The following LMLN variants were observed in gnomAD, a reference collection of about 807,000 sequenced individuals.
LMLN encodes leishmanolysin like peptidase.
LMLN carries 70 observed loss-of-function variants against 92.3 expected under a neutral mutation model. The observed-to-expected ratio is 0.76, with a 90% confidence interval of 0.63 to 0.92. The LOEUF (loss-of-function observed/expected upper bound fraction) is 0.92, where lower values mean the gene tolerates loss of function less well. LMLN is among the 40% of genes least tolerant of loss of function. The pLI is 0.00. For missense variants in LMLN, 691 were observed against 814.6 expected (o/e 0.85, Z 1.85); for synonymous variants, 308 against 296.2 (o/e 1.04, Z -0.41).
At chr3:198,002,900 T>A in intron 11 of LMLN, 115 bp from the exon 12 acceptor site, 1 of 614,922 alleles carries the variant, frequency 1.6e-6, no homozygotes, top group Non-Finnish European at 2.9e-6. Flanking sequence ...GCCTCTGGCC[T>A]CCAAAATCTT....
chr3:198,005,286 CATCT>C lies in LMLN; in HGVS notation c.1232+5951_1232+5954del, dbSNP rs1273990355. ...TACATATCATACGTAGTAAGTTTGA[CATCT>C]ATCTATATATCATCTATACAGATAC... On this transcript the variant is annotated intron_variant, in intron 11 of 15. Coordinates refer to ENST00000330198, the Ensembl canonical transcript of LMLN. Among the ~76,000 whole-genome samples the C allele has an allele frequency of 6.0e-5, 9 of 150,422 alleles. No homozygotes were observed. The East Asian group carries it at 7.8e-4, about 13-fold the overall frequency.
chr3:197,974,531 T>C (rs1165219805), intron 2 of LMLN, 57 bp downstream of exon 2: 5 of 924,968 alleles, frequency 5.4e-6, no homozygotes, highest in Non-Finnish European at 8.0e-6. Flanking sequence ...GTTAAAGATA[T>C]TTTTGTCTGT....
chr3:197,997,720 G>C (rs1334622123), intron 10 of LMLN, among the ~76,000 whole-genome samples: 1 of 152,178 alleles, frequency 6.6e-6, no homozygotes, highest in Non-Finnish European at 1.5e-5. Context: ...GTGATTCCTT[G>C]TTATACTGAT....
At chr3:197,965,906 A>G (rs1721044949) in intron 1 of LMLN, among the ~76,000 whole-genome samples, 1 of 152,204 alleles carries the variant, frequency 6.6e-6, no homozygotes, top group Admixed American at 6.5e-5. Flanking sequence ...GACTGTATTA[A>G]TACAGGAGAA....
intron 6 of LMLN, chr3:197,980,737 C>A: frequency 2.6e-6 from 1 of 381,646 alleles, no homozygotes; most frequent in South Asian, 5.5e-5. Context: ...TGAAGCACTT[C>A]GTTTGACTTT....
intron 1 of LMLN, among the ~76,000 whole-genome samples, chr3:197,963,224 G>C (rs546181674): frequency 7.6e-5 from 8 of 105,156 alleles, no homozygotes; most frequent in African/African-American, 3.6e-4. Flanking sequence ...GTTTTGTTTT[G>C]AGACAGTCTT....
chr3:198,038,876 C>A, exon 16 of LMLN: 1 of 459,576 alleles, frequency 2.2e-6, no homozygotes, highest in Non-Finnish European at 3.9e-6. Flanking sequence ...AGCAACCCAA[C>A]CACCTTCATC....
intron 1 of LMLN, among the ~76,000 whole-genome samples, chr3:197,962,824 TAATA>T (rs1720943411): frequency 6.6e-6 from 1 of 152,112 alleles, no homozygotes; most frequent in African/African-American, 2.4e-5. Flanking sequence ...TGTACCTCTG[TAATA>T]AATATTGAAA....
intron 7 of LMLN, among the ~76,000 whole-genome samples, chr3:197,984,582 C>G (rs1428388266): frequency 6.6e-6 from 1 of 150,954 alleles, no homozygotes; most frequent in African/African-American, 2.4e-5. Context: ...TCCCAAGTAG[C>G]TGGGACTACA....
At chr3:197,974,340 T>G in intron 1 of LMLN, 37 bp from the exon 2 acceptor site, 1 of 1,069,296 alleles carries the variant, frequency 9.4e-7, no homozygotes, top group Non-Finnish European at 1.4e-6. Context: ...TTAATCTGTA[T>G]GTCTTAAACA....
At chr3:197,965,564 A>G (rs1721035030) in intron 1 of LMLN, among the ~76,000 whole-genome samples, 1 of 152,062 alleles carries the variant, frequency 6.6e-6, no homozygotes, top group African/African-American at 2.4e-5. Flanking sequence ...TTGAATATAG[A>G]TTTCTATACA....
At chr3:198,027,340 A>G (rs1212157118) in intron 14 of LMLN, among the ~76,000 whole-genome samples, 1 of 150,596 alleles carries the variant, frequency 6.6e-6, no homozygotes, top group Non-Finnish European at 1.5e-5. Flanking sequence ...GGAGAAAGGG[A>G]GGGATCACTG....
chr3:197,992,244 T>C lies in LMLN; in HGVS notation c.1047+1568T>C, dbSNP rs73091357. On this transcript the variant is annotated intron_variant, in intron 9 of 15. Coordinates refer to ENST00000330198, the Ensembl canonical transcript of LMLN. ...ATACAGACACCAAATGATCAGTCAT[T>C]ATAGAAATAGTACCACGGATCCTGA... 9.9e-3 allele frequency among the ~76,000 whole-genome samples: 1,500 copies of C among 152,176 alleles called. 23 individuals are homozygous for C. Among genetic ancestry groups the C allele is most frequent in the African/African-American group, 0.034 (1,424 of 41,514 alleles).
Position 198,019,108 on chromosome 3 carries a change from T to A in LMLN, c.1233-145T>A, listed in dbSNP as rs1722714965. On this transcript the variant is annotated intron_variant, in intron 11 of 15. Transcript: ENST00000330198. This position sits in a 1 kb window ranked among gnomAD's most constrained non-coding sequence, Gnocchi z 5.5. ...GCTGCAGGGCAGAGGGGACATTGCC[T>A]CCATCTCTTTCCAAGAATCCCATTT... is the stretch of plus-strand genomic sequence containing the variant. 2 of 750,258 alleles carry A rather than the reference T, an allele frequency of 2.7e-6. No individual in the cohort carries two copies. The allele number at this position is 750,258 out of a possible 1,614,324, so 46.5% of individuals were successfully genotyped here.
chr3:197,985,672 TC>T (rs527711548), intron 7 of LMLN, 123 bp from the exon 8 acceptor site: 68 of 542,258 alleles, frequency 1.3e-4, no homozygotes, highest in Non-Finnish European at 1.9e-4. Flanking sequence ...TAGGAGAAGT[TC>T]CTACAGAAGC....
intron 1 of LMLN, among the ~76,000 whole-genome samples, chr3:197,970,630 T>A (rs1301822167): frequency 6.6e-6 from 1 of 152,118 alleles, no homozygotes; most frequent in African/African-American, 2.4e-5. Flanking sequence ...AATTTCAGAC[T>A]CCAGAAGCAA....
chr3:198,005,638 C>CT (rs745643545), intron 11 of LMLN, among the ~76,000 whole-genome samples: 10,053 of 140,500 alleles, frequency 0.072, 437 homozygotes, highest in African/African-American at 0.12. Context: ...TTTTCTTTTT[C>CT]TTTTTTTTTT....
At chr3:197,999,840 G>A (rs1320204494) in intron 11 of LMLN, 1 of 151,650 alleles carries the variant, frequency 6.6e-6, no homozygotes, top group Non-Finnish European at 1.5e-5. Context: ...AATATTTGAG[G>A]CCCCGAGACA....
At position 198,042,550 on chromosome 3, in the gene LMLN, C is replaced by T. The variant is rs1201442549; in HGVS notation, c.*3883C>T. The T allele has an allele frequency of 2.6e-5, 4 of 152,266 alleles. No individual in the cohort carries two copies. Among genetic ancestry groups the T allele is most frequent in the Non-Finnish European group, 4.4e-5 (3 of 68,018 alleles). The allele number at this position is 152,266 out of a possible 1,614,324, so 9.4% of individuals were successfully genotyped here. A position where few individuals can be genotyped will look rare whatever the true frequency, so the allele number is the denominator to read the frequency against. ...CATGTTAGCAAAGACGAAGCCACGTCGCTGTGTTAAGAGGGACAGGCTGGG... is the reference window on the plus strand; with the variant it reads ...CATGTTAGCAAAGACGAAGCCACGTTGCTGTGTTAAGAGGGACAGGCTGGG... On this transcript the variant is annotated 3_prime_UTR_variant, in exon 16 of 16. Transcript: ENST00000330198. The surrounding 1 kb of genome is among the most constrained non-coding windows in gnomAD (Gnocchi z 4.2).
Sources: allele counts gnomAD v4.1 joint callset (sites outside exome capture counted in the v4.1 genomes callset), GRCh38; gene constraint gnomAD v4.1.1; non-coding constraint Gnocchi (gnomAD v3.1); transcripts MANE v1.5; gene names NCBI Gene and HGNC (gene_info 2026-07-23, HGNC 2026-07-21).